Variants in MRTO4 observed in about 807,000 individuals in gnomAD.
The protein encoded by MRTO4 is mRNA turnover protein 4 homolog.
MRTO4 carries 7 observed loss-of-function variants against 28.6 expected under a neutral mutation model. The ratio of observed to expected loss-of-function variants is 0.24; its 90% CI spans 0.14 to 0.46. The LOEUF (loss-of-function observed/expected upper bound fraction) is 0.46. Among genes scored for constraint, MRTO4 ranks in the 20% least tolerant of loss-of-function variants. The pLI is 0.99. For missense variants in MRTO4, 302 were observed against 298.3 expected (o/e 1.01, Z -0.09); for synonymous variants, 113 against 108.2 (o/e 1.04, Z -0.27).
Position 19,257,994 on chromosome 1 carries a change from G to T in MRTO4, c.493+10G>T, listed in dbSNP as rs760352253. ...ACCGCCCTCAAGAGAGGTATGGGCA[G>T]CCCTGGAGCCAAAAGGTCACAGCCT... On this transcript the variant is annotated intron_variant, in intron 6 of 7. Transcript: ENST00000330263. 2 of 1,612,624 alleles carry T rather than the reference G, an allele frequency of 1.2e-6. No homozygotes were observed. The highest frequency in any genetic ancestry group is 4.5e-5 in the East Asian group (2 of 44,864).
chr1:19,254,666 T>G, intron 1 of MRTO4, 116 bp from the exon 2 acceptor site: 1 of 896,366 alleles, frequency 1.1e-6, no homozygotes, highest in Non-Finnish European at 1.9e-6. Flanking sequence ...CCTTGCTGCC[T>G]TTTTTCAGAA....
chr1:19,257,638 T>C (rs1249628537), intron 5 of MRTO4, 117 bp downstream of exon 5: 5 of 1,406,762 alleles, frequency 3.6e-6, no homozygotes, highest in South Asian at 2.4e-5. Context: ...CCTGGAAGCC[T>C]GTCACTGAGC....
At chr1:19,252,205 T>C in intron 1 of MRTO4, 1 of 370,576 alleles carries the variant, frequency 2.7e-6, no homozygotes. Context: ...CTCATCTTCC[T>C]GCGCTCCCGC....
At chr1:19,257,013 G>A in intron 3 of MRTO4, 51 bp from the exon 4 acceptor site, 1 of 1,573,196 alleles carries the variant, frequency 6.4e-7, no homozygotes, top group Non-Finnish European at 8.7e-7. Context: ...GCTGAGGGAT[G>A]GGGAGGGCAG....
rs766384607 is a variant in MRTO4, at chr1:19,258,513, A to G, written c.530A>G (p.Lys177Arg). The G allele has an allele frequency of 1.2e-6, 2 of 1,614,080 alleles. No homozygotes were observed. Among genetic ancestry groups the G allele is most frequent in the South Asian group, 1.1e-5 (1 of 91,082 alleles). The change falls in exon 7 of 8, where the codon AAG becomes AGG. Residue 177 changes from lysine (K) to arginine (R), a missense_variant. Coordinates refer to ENST00000330263, the MANE Select transcript of MRTO4 (RefSeq NM_016183.4). The part of the protein sequence containing the change: ...VTLLSDYEVC[K>R]EGDVLTPEQA... ...CTGCTGTCTGACTACGAGGTGTGCA[A>G]GGAGGGCGATGTGCTGACCCCAGAG...
chr1:19,256,085 T>G lies in MRTO4; in HGVS notation c.191+34T>G, dbSNP rs202183832. ...GCAGGGGGAGGAAGGCCCTTCTGAG[T>G]GGGGACCCGGCCAGGCTGCTCTCAG... On this transcript the variant is annotated intron_variant, in intron 3 of 7. Coordinates refer to ENST00000330263, the MANE Select transcript of MRTO4 (RefSeq NM_016183.4). 13 of 1,590,644 alleles carry G rather than the reference T, an allele frequency of 8.2e-6. No individual in the cohort carries two copies. In the Admixed American group the frequency reaches 2.2e-4, roughly 27 times the overall value.
At position 19,258,672 on chromosome 1, in the gene MRTO4, C is replaced by G. The variant is rs1406406228; in HGVS notation, c.571-9C>G. The stretch of plus-strand genomic sequence containing the variant: ...CCTCCTGATTCTTTGTTCCCTTTGT[C>G]TCTTGCAGAAGCTTTTTGGGTATGA... On this transcript the variant is annotated splice_polypyrimidine_tract_variant and intron_variant, in intron 7 of 7. Coordinates refer to ENST00000330263, the MANE Select transcript of MRTO4 (RefSeq NM_016183.4). 4 of 1,614,030 alleles carry G rather than the reference C, an allele frequency of 2.5e-6. No individual in the cohort carries two copies. In the East Asian group the frequency reaches 8.9e-5, roughly 36 times the overall value.
At chr1:19,256,137 CT>C in intron 3 of MRTO4, 86 bp downstream of exon 3, 2 of 1,141,562 alleles carry the variant, frequency 1.8e-6, no homozygotes, top group Non-Finnish European at 2.6e-6. Context: ...ATTTCTGACC[CT>C]TTAGGTGCCT....
Position 19,259,409 on chromosome 1 carries a change from G to C in MRTO4, c.*579G>C, listed in dbSNP as rs9426684. On this transcript the variant is annotated 3_prime_UTR_variant, in exon 8 of 8. Coordinates refer to ENST00000330263, the MANE Select transcript of MRTO4 (RefSeq NM_016183.4). ...AGCCTGGGCAATTCAGCAAGATCCC[G>C]TCTCTACAAAAAATAAAAAAAAATT... The C allele has an allele frequency of 6.6e-6, 1 of 151,952 alleles. No homozygotes were observed. Among genetic ancestry groups the C allele is most frequent in the African/African-American group, 2.4e-5 (1 of 41,338 alleles). The allele number at this position is 151,952 out of a possible 1,614,324, so 9.4% of individuals were successfully genotyped here.
intron 1 of MRTO4, 121 bp downstream of exon 1, chr1:19,251,984 C>G (rs1208745855): frequency 8.1e-6 from 11 of 1,364,988 alleles, no homozygotes; most frequent in Admixed American, 2.3e-5. Context: ...TCGAGGTGTT[C>G]CGCTGCCTCG....
At chr1:19,257,293 T>A in intron 4 of MRTO4, 148 bp downstream of exon 4, 1 of 1,196,082 alleles carries the variant, frequency 8.4e-7, no homozygotes. Flanking sequence ...TCCCTTCACC[T>A]CCGGACCCAA....
In MRTO4 at chr1:19,257,917, G is replaced by A. The variant is rs949616434; in HGVS notation, c.426G>A (p.Leu142=). 6 of 1,614,014 alleles carry A rather than the reference G, an allele frequency of 3.7e-6. No homozygotes were observed. In the African/African-American group the frequency reaches 6.7e-5, roughly 18 times the overall value. The change falls in exon 6 of 8, where the codon CTG becomes CTA. Residue 142 remains leucine, a synonymous_variant. Coordinates refer to ENST00000330263, the MANE Select transcript of MRTO4 (RefSeq NM_016183.4). ...AFTVSLDPGP[L]EQFPHSMEPQ... ...CTGTGAGCCTGGATCCAGGGCCCCT[G>A]GAGCAGTTCCCCCACTCCATGGAGC...
In MRTO4 at chr1:19,255,975, T is replaced by C. The variant is rs1479611126; in HGVS notation, c.115T>C (p.Tyr39His). 2 of 1,614,014 alleles carry C rather than the reference T, an allele frequency of 1.2e-6. No homozygotes were observed. Among genetic ancestry groups the C allele is most frequent in the South Asian group, 1.1e-5 (1 of 91,052 alleles). Residue 39 changes from tyrosine to histidine, a missense_variant, in exon 3 of 8, where the codon TAC (tyrosine) becomes CAC (histidine). By Grantham distance (83) the Tyr-to-His change is moderately conservative. Transcript: ENST00000330263. ...TCGGAAATGTGTGGACACCTACAAG[T>C]ACCTTTTCATCTTCTCTGTGGCCAA... is the stretch of plus-strand genomic sequence containing the variant. ...ELRKCVDTYK[Y>H]LFIFSVANMR...
Position 19,255,989 on chromosome 1 carries a change from C to G in MRTO4, c.129C>G (p.Phe43Leu). The change falls in exon 3 of 8, where the codon TTC (phenylalanine) becomes TTG (leucine). Residue 43 changes from phenylalanine (F) to leucine (L), a missense_variant. By Grantham distance (22) the Phe-to-Leu change is conservative (BLOSUM62 0). Transcript: ENST00000330263. ...CVDTYKYLFI[F>L]SVANMRNSKL... is the part of the protein sequence containing the mutation. ...ACACCTACAAGTACCTTTTCATCTT[C>G]TCTGTGGCCAACATGAGGAACAGCA... is the stretch of plus-strand genomic sequence containing the variant. 6.2e-7 allele frequency: 1 copy of G among 1,614,168 alleles called. No individual in the cohort carries two copies. The highest frequency in any genetic ancestry group is 1.1e-5 in the South Asian group (1 of 91,074).
chr1:19,254,488 C>G (rs967637044), intron 1 of MRTO4, among the ~76,000 whole-genome samples: 16 of 152,206 alleles, frequency 1.1e-4, no homozygotes, highest in African/African-American at 3.9e-4. Context: ...CCTCCACCCC[C>G]ACACTGCAAT....
chr1:19,257,709 T>C, intron 5 of MRTO4, 124 bp from the exon 6 acceptor site: 2 of 1,418,438 alleles, frequency 1.4e-6, no homozygotes, highest in Non-Finnish European at 1.9e-6. Flanking sequence ...GGCTGGCTGC[T>C]GGCCAGCAGC....
chr1:19,253,811 T>A (rs1738018), intron 1 of MRTO4, among the ~76,000 whole-genome samples: 24,869 of 152,058 alleles, frequency 0.16, 3,208 homozygotes, highest in African/African-American at 0.36. Context: ...GGCTTTGCAG[T>A]TGGAGTTCTG....
chr1:19,251,860 A>C lies in MRTO4; in HGVS notation c.25A>C (p.Lys9Gln), dbSNP rs2093661147. The C allele has an allele frequency of 1.3e-6, 2 of 1,591,924 alleles. No individual in the cohort carries two copies. The highest frequency in any genetic ancestry group is 2.7e-5 in the African/African-American group (2 of 74,462). ...GATGCCCAAATCCAAGCGCGACAAGAAAGGTGGGCGAAGGGGGAGTCGGGA... is the reference window on the plus strand; with the variant it reads ...GATGCCCAAATCCAAGCGCGACAAGCAAGGTGGGCGAAGGGGGAGTCGGGA... MPKSKRDKKVSLTKTAKKG... is the reference protein window; with the variant it reads MPKSKRDKQVSLTKTAKKG... Residue 9 changes from lysine to glutamine, a missense_variant, in exon 1 of 8, where the codon AAA becomes CAA. Coordinates refer to ENST00000330263, the MANE Select transcript of MRTO4 (RefSeq NM_016183.4).
intron 6 of MRTO4, 86 bp from the exon 7 acceptor site, chr1:19,258,391 A>G: frequency 6.6e-7 from 1 of 1,523,842 alleles, no homozygotes; most frequent in African/African-American, 1.4e-5. Flanking sequence ...CAGGTGGCTG[A>G]CTGGATTCCT....
Sources: gnomAD v4.1 joint callset for allele counts (sites outside exome capture counted in the v4.1 genomes callset) on GRCh38, gnomAD v4.1.1 for gene constraint, MANE v1.5 for transcripts, NCBI Gene and HGNC (gene_info 2026-07-23, HGNC 2026-07-21) for gene names.